GATAD2A: variants seen among roughly 807,000 people sequenced by gnomAD.
The protein encoded by GATAD2A is GATA zinc finger domain containing 2A, also known as transcriptional repressor p66-alpha.
Under a neutral mutation model 68.5 loss-of-function variants are expected in GATAD2A, and 12 were observed. That is an observed-to-expected ratio of 0.18 (90% CI 0.11 to 0.28). The LOEUF is 0.28. Among genes scored for constraint, GATAD2A ranks in the 10% least tolerant of loss-of-function variants. GATAD2A has a pLI of 1.00. For synonymous variants in GATAD2A, 410 were observed against 375.3 expected (o/e 1.09, Z -1.07); for missense variants, 755 against 868.5 (o/e 0.87, Z 1.64).
intron 1 of GATAD2A, among the ~76,000 whole-genome samples, chr19:19,439,673 C>G (rs1210513792): frequency 1.3e-5 from 2 of 152,032 alleles, no homozygotes; most frequent in Non-Finnish European, 2.9e-5. Flanking sequence ...CATGGTGAAA[C>G]CCCATCTTTA....
intron 1 of GATAD2A, among the ~76,000 whole-genome samples, chr19:19,425,404 C>T (rs2056150427): frequency 6.6e-6 from 1 of 152,180 alleles, no homozygotes; most frequent in Admixed American, 6.5e-5. Context: ...CCCAAGAGGA[C>T]TCTGTGCTTT....
At chr19:19,496,456 C>T (rs992109248) in intron 7 of GATAD2A, among the ~76,000 whole-genome samples, 6 of 152,166 alleles carry the variant, frequency 3.9e-5, no homozygotes, top group South Asian at 2.1e-4. Flanking sequence ...GGGCAGCTGA[C>T]GAGAGGGGCG....
chr19:19,483,617 C>T (rs1201560595), intron 2 of GATAD2A, among the ~76,000 whole-genome samples: 3 of 151,438 alleles, frequency 2.0e-5, no homozygotes, highest in African/African-American at 4.9e-5. Context: ...AGGAGTTCTT[C>T]AGTGTTTTTT....
chr19:19,500,129 C>G (rs2060427975), intron 8 of GATAD2A, among the ~76,000 whole-genome samples: 1 of 152,222 alleles, frequency 6.6e-6, no homozygotes, highest in Non-Finnish European at 1.5e-5. Context: ...AGGATAGGAC[C>G]TCACTGTGGG....
intron 1 of GATAD2A, among the ~76,000 whole-genome samples, chr19:19,444,140 C>G (rs1259353577): frequency 6.6e-6 from 1 of 152,148 alleles, no homozygotes; most frequent in Non-Finnish European, 1.5e-5. Context: ...TTCCTGTCGC[C>G]TCCCTGCTCA....
chr19:19,455,359 A>G (rs1046082877), intron 1 of GATAD2A, among the ~76,000 whole-genome samples: 1 of 151,726 alleles, frequency 6.6e-6, no homozygotes, highest in Admixed American at 6.6e-5. Context: ...GCGTGGTGGC[A>G]TGTGCCTGTA....
rs908774451 is a variant in GATAD2A, at chr19:19,481,381, A to T, written c.270-10925A>T. ...GGTCTTGCTCTGTCTCCCAAACTGG[A>T]ATGCAGTGGTACAGTCATAGCTCAC... is the stretch of plus-strand genomic sequence containing the variant. On this transcript the variant is annotated intron_variant, in intron 2 of 11. Transcript: ENST00000683918. Among the ~76,000 whole-genome samples the T allele has an allele frequency of 7.2e-5, 11 of 152,296 alleles. 1 individual carries two copies. The South Asian group carries it at 1.9e-3, about 26-fold the overall frequency.
chr19:19,494,727 G>A (rs1269185058), intron 5 of GATAD2A, among the ~76,000 whole-genome samples: 1 of 152,230 alleles, frequency 6.6e-6, no homozygotes, highest in South Asian at 2.1e-4. Flanking sequence ...CAGGTGAGGG[G>A]CAGAGGTTTT....
chr19:19,495,976 G>C, intron 6 of GATAD2A, 76 bp from the exon 7 acceptor site: 1 of 1,580,964 alleles, frequency 6.3e-7, no homozygotes, highest in South Asian at 1.1e-5. Context: ...TGGGGGCAAG[G>C]TGCCCTGTGC....
intron 1 of GATAD2A, among the ~76,000 whole-genome samples, chr19:19,411,338 T>A (rs1026703811): frequency 2.0e-5 from 3 of 152,206 alleles, no homozygotes; most frequent in Admixed American, 6.5e-5. Flanking sequence ...GGCAGCCTCT[T>A]TCCTGGCCCA....
In GATAD2A at chr19:19,465,548, C is replaced by A. The variant is rs2057800002; in HGVS notation, c.203C>A (p.Ala68Asp). The part of the protein sequence containing the change: ...QGLLRATEAT[A>D]MAMGRGEGLV... ...TTGCTGAGGGCAACAGAGGCCACGGCCATGGCCATGGGCAGAGGCGAAGGG... is the reference window on the plus strand; with the variant it reads ...TTGCTGAGGGCAACAGAGGCCACGGACATGGCCATGGGCAGAGGCGAAGGG... The change falls in exon 2 of 12, where the codon GCC becomes GAC. Residue 68 changes from alanine to aspartate, a missense_variant. Physicochemically the swap from Ala to Asp is moderately radical, Grantham distance 126. Transcript: ENST00000683918. The A allele has an allele frequency of 1.9e-6, 3 of 1,613,820 alleles. No homozygotes were observed. The East Asian group carries it at 6.7e-5, about 36-fold the overall frequency.
intron 2 of GATAD2A, among the ~76,000 whole-genome samples, chr19:19,488,376 GGAAT>G (rs569453196): frequency 6.6e-6 from 1 of 152,318 alleles, no homozygotes; most frequent in South Asian, 2.1e-4. Flanking sequence ...GCAGATGTAA[GGAAT>G]GAATGAATGA....
intron 2 of GATAD2A, among the ~76,000 whole-genome samples, chr19:19,467,518 T>C (rs140379174): frequency 9.9e-4 from 151 of 152,364 alleles, no homozygotes; most frequent in African/African-American, 3.5e-3. Flanking sequence ...TTATATACTA[T>C]GTACCTTTTA....
chr19:19,399,689 A>G (rs573143148), intron 1 of GATAD2A, among the ~76,000 whole-genome samples: 7 of 152,320 alleles, frequency 4.6e-5, no homozygotes, highest in Non-Finnish European at 8.8e-5. Context: ...TGTGAAAGAG[A>G]GAACAAACTA....
chr19:19,484,518 C>CTTTTTTTTTTTTTTTTT (rs58628123), intron 2 of GATAD2A, among the ~76,000 whole-genome samples: 1 of 114,466 alleles, frequency 8.7e-6, no homozygotes, highest in African/African-American at 3.3e-5. Context: ...TTTTCTTTTT[C>CTTTTTTTTTTTTTTTTT]TTTTTTTTTT....
chr19:19,419,918 G>C (rs911255430), intron 1 of GATAD2A, among the ~76,000 whole-genome samples: 2 of 151,510 alleles, frequency 1.3e-5, no homozygotes, highest in African/African-American at 4.9e-5. Flanking sequence ...AGCGGTTCAG[G>C]TTTGAGCCTG....
At chr19:19,478,438 A>G (rs947542467) in intron 2 of GATAD2A, among the ~76,000 whole-genome samples, 1 of 152,058 alleles carries the variant, frequency 6.6e-6, no homozygotes, top group Admixed American at 6.6e-5. Context: ...CCGTTGCTAC[A>G]AAAAAAGTAG....
chr19:19,495,719 G>A lies in GATAD2A; in HGVS notation c.625-35G>A. On this transcript the variant is annotated intron_variant, in intron 5 of 11. Transcript: ENST00000683918. Reference sequence around the variant, plus strand: ...TTTAAAAAAAGTGTGGGGGGGTCCGGTCCATGTAAATCTGGGTCTTGGTAT... The same window carrying A: ...TTTAAAAAAAGTGTGGGGGGGTCCGATCCATGTAAATCTGGGTCTTGGTAT... 4 of 1,579,002 alleles carry A rather than the reference G, an allele frequency of 2.5e-6. 1 individual carries two copies. The South Asian group carries it at 4.5e-5, about 18-fold the overall frequency.
chr19:19,450,686 A>G (rs2048593715), intron 1 of GATAD2A, among the ~76,000 whole-genome samples: 1 of 151,182 alleles, frequency 6.6e-6, no homozygotes, highest in African/African-American at 2.4e-5. Flanking sequence ...GTTCAGGTGA[A>G]TACAAGTGTG....
Sources: gnomAD v4.1 joint callset for allele counts (sites outside exome capture counted in the v4.1 genomes callset) on GRCh38, gnomAD v4.1.1 for gene constraint, MANE v1.5 for transcripts, NCBI Gene and HGNC (gene_info 2026-07-23, HGNC 2026-07-21) for gene names.